The following ZBBX variants were observed in gnomAD, a reference collection of about 807,000 sequenced individuals.
The protein encoded by ZBBX is zinc finger B-box domain-containing protein 1.
A neutral mutation model predicts 108.5 loss-of-function variants in ZBBX; 101 were observed. The observed-to-expected ratio is 0.93, with a 90% CI of 0.79 to 1.10. ZBBX has a LOEUF of 1.10. ZBBX is among the 50% of genes least tolerant of loss of function. The pLI, the probability that ZBBX is intolerant of heterozygous loss-of-function variation, is 0.00. For missense variants in ZBBX, 1,009 were observed against 941.4 expected (o/e 1.07, Z -0.94); for synonymous variants, 356 against 323.4 (o/e 1.10, Z -1.08).
At chr3:167,317,984 T>A (rs1735746022) in intron 12 of ZBBX, among the ~76,000 whole-genome samples, 1 of 151,988 alleles carries the variant, frequency 6.6e-6, no homozygotes, top group Non-Finnish European at 1.5e-5. Context: ...TGATGAGTTC[T>A]ACGGGAACCT....
At chr3:167,276,056 G>T (rs1727518484) in intron 20 of ZBBX, among the ~76,000 whole-genome samples, 1 of 152,138 alleles carries the variant, frequency 6.6e-6, no homozygotes, top group South Asian at 2.1e-4. Flanking sequence ...CAACAGACCT[G>T]CAGCTGAGGG....
intron 12 of ZBBX, among the ~76,000 whole-genome samples, chr3:167,318,422 T>C (rs1735835658): frequency 6.6e-6 from 1 of 151,968 alleles, no homozygotes; most frequent in Admixed American, 6.6e-5. Flanking sequence ...ATCTTAACTT[T>C]ACAGAGGATG....
At chr3:167,400,582 T>C (rs1243492201) in intron 1 of ZBBX, among the ~76,000 whole-genome samples, 3 of 152,122 alleles carry the variant, frequency 2.0e-5, no homozygotes, top group African/African-American at 7.2e-5. Context: ...CTGTTTAAAT[T>C]CCTTATAGTA....
chr3:167,351,364 T>C (rs919930803), intron 8 of ZBBX, among the ~76,000 whole-genome samples: 3 of 152,158 alleles, frequency 2.0e-5, no homozygotes, highest in South Asian at 4.1e-4. Flanking sequence ...TGCCTTTCTA[T>C]AGACAGGAGC....
chr3:167,300,373 C>T (rs1183653030), intron 17 of ZBBX, among the ~76,000 whole-genome samples: 2 of 152,014 alleles, frequency 1.3e-5, no homozygotes, highest in Non-Finnish European at 2.9e-5. Flanking sequence ...AAACAATAAC[C>T]ATGTAAGCCA....
chr3:167,268,415 C>G (rs1193415879), intron 20 of ZBBX, among the ~76,000 whole-genome samples: 1 of 151,896 alleles, frequency 6.6e-6, no homozygotes, highest in Non-Finnish European at 1.5e-5. Context: ...TACCGCAGAT[C>G]AAAAGCTTCC....
intron 16 of ZBBX, among the ~76,000 whole-genome samples, chr3:167,312,469 C>T (rs1337377810): frequency 6.6e-6 from 1 of 152,126 alleles, no homozygotes; most frequent in African/African-American, 2.4e-5. Context: ...TAGATTCATC[C>T]ATTGTAGTAA....
chr3:167,253,284 A>ACAGT (rs1348603382), intron 20 of ZBBX, among the ~76,000 whole-genome samples: 2 of 152,204 alleles, frequency 1.3e-5, no homozygotes, highest in African/African-American at 4.8e-5. Context: ...TAGGAAAGAG[A>ACAGT]CAGTCATAAA....
At chr3:167,209,571 C>T in the ZBBX span, among the ~76,000 whole-genome samples, 3 of 152,116 alleles carry the variant, frequency 2.0e-5, no homozygotes, top group Non-Finnish European at 4.4e-5. Context: ...TTATAAGACC[C>T]AAGTCCCTTT....
the ZBBX span, among the ~76,000 whole-genome samples, chr3:167,195,800 T>C: frequency 6.6e-6 from 1 of 152,316 alleles, no homozygotes; most frequent in Non-Finnish European, 1.5e-5. Context: ...ATAGCAGTGT[T>C]TCCTAGCATA....
intron 1 of ZBBX, among the ~76,000 whole-genome samples, chr3:167,407,501 A>G (rs1577152786): frequency 6.6e-6 from 1 of 152,200 alleles, no homozygotes; most frequent in Middle Eastern, 3.4e-3. Context: ...GACTCCCCCA[A>G]AACTTAAGTA....
At chr3:167,390,447 G>C (rs1287498541) in intron 1 of ZBBX, among the ~76,000 whole-genome samples, 1 of 151,182 alleles carries the variant, frequency 6.6e-6, no homozygotes, top group East Asian at 1.9e-4. Flanking sequence ...TTTTGCTTAG[G>C]ATTATCTTGG....
chr3:167,295,710 AATATATATATAT>A (rs1181996279), intron 18 of ZBBX, among the ~76,000 whole-genome samples: 1 of 78,952 alleles, frequency 1.3e-5, no homozygotes, highest in African/African-American at 4.7e-5. Context: ...AAAAAATTGG[AATATATATATAT>A]ATATATATAT....
At chr3:167,260,765 C>T (rs993058223) in intron 20 of ZBBX, among the ~76,000 whole-genome samples, 15 of 152,244 alleles carry the variant, frequency 9.9e-5, no homozygotes, top group African/African-American at 3.6e-4. Context: ...TTGCATTAGG[C>T]TTCGCATTTC....
At chr3:167,267,129 A>G (rs971803422) in intron 20 of ZBBX, among the ~76,000 whole-genome samples, 2 of 152,328 alleles carry the variant, frequency 1.3e-5, no homozygotes, top group Admixed American at 1.3e-4. Context: ...TGCTGTGCAG[A>G]GTAAGTCCAA....
In ZBBX at chr3:167,328,101, T is replaced by C; in HGVS notation, c.703A>G (p.Met235Val). ...GGTTTTGTACGTTGTGCTCTTTTCA[T>C]CGTTGTAATTTCTACCTAATTAAAA... ...RSSSEVEITT[M>V]KRAQRTKPRK... The change falls in exon 11 of 22, where the codon ATG becomes GTG. Residue 235 changes from methionine (M) to valine (V), a missense_variant. Physicochemically the swap from Met to Val is conservative, Grantham distance 21. Transcript: ENST00000675490. The C allele has an allele frequency of 6.2e-7, 1 of 1,610,478 alleles. No individual in the cohort carries two copies. The highest frequency in any genetic ancestry group is 8.5e-7 in the Non-Finnish European group (1 of 1,179,040).
At chr3:167,235,720 TATC>T (rs1322530642), downstream of ZBBX, among the ~76,000 whole-genome samples, 1 of 151,660 alleles carries the variant, frequency 6.6e-6, no homozygotes, top group East Asian at 1.9e-4. Context: ...ACATTAAAAA[TATC>T]ATCTCCTTTT....
the ZBBX span, among the ~76,000 whole-genome samples, chr3:167,212,644 A>T: frequency 5.9e-5 from 9 of 152,078 alleles, no homozygotes; most frequent in African/African-American, 1.7e-4. Context: ...CTTGGCTACA[A>T]CCACTACTAA....
At chr3:167,192,852 T>G in the ZBBX span, among the ~76,000 whole-genome samples, 5 of 152,254 alleles carry the variant, frequency 3.3e-5, no homozygotes, top group African/African-American at 1.2e-4. Flanking sequence ...TACATTTCTT[T>G]GGAAAATGTT....
Sources: gnomAD v4.1 joint callset for allele counts (sites outside exome capture counted in the v4.1 genomes callset) on GRCh38, gnomAD v4.1.1 for gene constraint, MANE v1.5 for transcripts, NCBI Gene and HGNC (gene_info 2026-07-23, HGNC 2026-07-21) for gene names.